Variants in DIP2B observed in about 807,000 individuals in gnomAD.
The protein encoded by DIP2B is DIP2 acetate--CoA ligase B (putative).
DIP2B carries 76 observed loss-of-function variants against 198.0 expected under a neutral mutation model. That is an observed-to-expected ratio of 0.38 (90% CI 0.32 to 0.46). DIP2B has a LOEUF of 0.46. Among genes scored for constraint, DIP2B ranks in the 20% least tolerant of loss-of-function variants. The pLI is 0.99. For missense variants in DIP2B, 1,559 were observed against 1,978.4 expected, an observed-to-expected ratio of 0.79 and a Z score of 4.02; for synonymous variants, 701 against 739.1, an observed-to-expected ratio of 0.95 and a Z score of 0.84.
intron 1 of DIP2B, among the ~76,000 whole-genome samples, chr12:50,602,081 G>A (rs1443682959): frequency 6.6e-6 from 1 of 152,152 alleles, no homozygotes; most frequent in Non-Finnish European, 1.5e-5. Flanking sequence ...CTTTGGTCAG[G>A]TTCATGTAAT....
intron 2 of DIP2B, among the ~76,000 whole-genome samples, chr12:50,639,625 G>T (rs553904413): frequency 6.6e-6 from 1 of 150,384 alleles, no homozygotes; most frequent in Non-Finnish European, 1.5e-5. Context: ...TTGCTTTATA[G>T]GCTGATTCTC....
intron 36 of DIP2B, among the ~76,000 whole-genome samples, chr12:50,741,037 T>C (rs1940233530): frequency 6.6e-6 from 1 of 152,222 alleles, no homozygotes; most frequent in Non-Finnish European, 1.5e-5. Flanking sequence ...TCTTTGTGTA[T>C]CTTTTCCCCC....
intron 3 of DIP2B, among the ~76,000 whole-genome samples, chr12:50,656,230 C>T (rs1170650992): frequency 6.6e-6 from 1 of 151,874 alleles, no homozygotes; most frequent in Admixed American, 6.6e-5. Context: ...GAAAAGATAC[C>T]CCAATAGCAC....
chr12:50,531,496 G>T (rs1283253792), intron 1 of DIP2B, among the ~76,000 whole-genome samples: 2 of 152,234 alleles, frequency 1.3e-5, no homozygotes, highest in Admixed American at 1.3e-4. Context: ...GGAGTATTAA[G>T]TGTCTCTTGT....
At chr12:50,716,763 G>C (rs982015720) in intron 23 of DIP2B, among the ~76,000 whole-genome samples, 1 of 152,034 alleles carries the variant, frequency 6.6e-6, no homozygotes, top group African/African-American at 2.4e-5. Flanking sequence ...CTGGCAATAA[G>C]CTTTGTTTTA....
At chr12:50,727,673 T>C (rs569202091) in intron 28 of DIP2B, 30 bp from the exon 29 acceptor site, 11 of 1,580,776 alleles carry the variant, frequency 7.0e-6, no homozygotes, top group African/African-American at 6.7e-5. Context: ...GCATGTTGGA[T>C]TGACATCAGG....
At chr12:50,514,937 C>T (rs967779946) in intron 1 of DIP2B, among the ~76,000 whole-genome samples, 6 of 152,028 alleles carry the variant, frequency 3.9e-5, no homozygotes, top group African/African-American at 1.4e-4. Context: ...GGATTACACG[C>T]GTGAGCCACC....
chr12:50,560,203 G>T (rs528234377), intron 1 of DIP2B, among the ~76,000 whole-genome samples: 4 of 151,824 alleles, frequency 2.6e-5, no homozygotes, highest in Admixed American at 2.6e-4. Context: ...GACCATCTTG[G>T]CTAATACAGT....
intron 19 of DIP2B, among the ~76,000 whole-genome samples, chr12:50,700,972 A>C (rs763630926): frequency 7.9e-5 from 12 of 152,188 alleles, no homozygotes; most frequent in Non-Finnish European, 1.2e-4. Flanking sequence ...TTGGCCTCCC[A>C]AAGTGCAAAG....
chr12:50,687,496 T>G (rs1315280206), intron 12 of DIP2B, among the ~76,000 whole-genome samples: 1 of 152,206 alleles, frequency 6.6e-6, no homozygotes, highest in Non-Finnish European at 1.5e-5. Flanking sequence ...TCATCTAGCC[T>G]TGAACACTGT....
rs759540879 is a variant in DIP2B at position 50,699,234 on chromosome 12, GT to G, written c.2325+35del. 9 of 1,612,976 alleles carry G rather than the reference GT, an allele frequency of 5.6e-6. No homozygotes were observed. The East Asian group carries it at 1.6e-4, about 28-fold the overall frequency. On this transcript the variant is annotated intron_variant, in intron 19 of 37. Transcript: ENST00000301180. ...GATATTAACATTTCACAGGGAAAATGTTTGGGGATTTCAGGATGTTACGAGG... is the reference window on the plus strand; with the variant it reads ...GATATTAACATTTCACAGGGAAAATGTTGGGGATTTCAGGATGTTACGAGG...
chr12:50,551,864 A>G (rs1198704648), intron 1 of DIP2B, among the ~76,000 whole-genome samples: 1 of 152,176 alleles, frequency 6.6e-6, no homozygotes, highest in African/African-American at 2.4e-5. Flanking sequence ...GAATAGTACT[A>G]CTATAAATGT....
chr12:50,722,603 C>T (rs1031827773), intron 26 of DIP2B, among the ~76,000 whole-genome samples: 2 of 152,064 alleles, frequency 1.3e-5, no homozygotes, highest in South Asian at 2.1e-4. Context: ...ACTGAGATTT[C>T]GTAGAAGATC....
intron 3 of DIP2B, among the ~76,000 whole-genome samples, chr12:50,652,343 TAATAC>T (rs1202761534): frequency 1.7e-4 from 16 of 92,754 alleles, no homozygotes; most frequent in East Asian, 1.1e-3. Flanking sequence ...ATAATATATA[TAATAC>T]ACACACACAC....
chr12:50,683,759 G>C (rs543182429), intron 10 of DIP2B, among the ~76,000 whole-genome samples: 77 of 152,016 alleles, frequency 5.1e-4, no homozygotes, highest in African/African-American at 1.7e-3. Context: ...CTCCAGCTTG[G>C]GCGACAGAGC....
chr12:50,719,108 C>G, intron 25 of DIP2B, 73 bp downstream of exon 25: 1 of 1,488,948 alleles, frequency 6.7e-7, no homozygotes, highest in African/African-American at 1.4e-5. Context: ...TGATCTCTTT[C>G]TTTCATCAGA....
chr12:50,593,712 T>TCTCCCCTCCTCTCCC (rs1958842103), intron 1 of DIP2B, among the ~76,000 whole-genome samples: 1 of 8,544 alleles, frequency 1.2e-4, no homozygotes, highest in Admixed American at 1.3e-3. Flanking sequence ...TCTCCCCTCC[T>TCTCCCCTCCTCTCCC]CTCCTCTCCT....
chr12:50,718,891 G>T, intron 24 of DIP2B, 64 bp from the exon 25 acceptor site: 1 of 1,611,506 alleles, frequency 6.2e-7, no homozygotes, highest in Non-Finnish European at 8.5e-7. Context: ...GCAGCTGGGG[G>T]ATGCATTATA....
chr12:50,633,653 C>T (rs1045328612), intron 2 of DIP2B, among the ~76,000 whole-genome samples: 4 of 152,110 alleles, frequency 2.6e-5, no homozygotes, highest in African/African-American at 9.7e-5. Flanking sequence ...GTGGTCCCAG[C>T]TACTCAGGAG....
Sources: allele counts gnomAD v4.1 joint callset (sites outside exome capture counted in the v4.1 genomes callset), GRCh38; gene constraint gnomAD v4.1.1; transcripts MANE v1.5; gene names NCBI Gene and HGNC (gene_info 2026-07-23, HGNC 2026-07-21).